Variants in TLN2 observed in about 807,000 individuals in gnomAD.
TLN2 encodes the protein talin-2.
Under a neutral mutation model 294.7 loss-of-function variants are expected in TLN2, and 118 were observed. The observed-to-expected ratio is 0.40, with a 90% CI of 0.34 to 0.47. The LOEUF (loss-of-function observed/expected upper bound fraction) is 0.47, where lower values mean the gene tolerates loss of function less well. Ranked by LOEUF, TLN2 falls within the 20% of genes least tolerant of loss-of-function variation. The pLI is 0.84. For missense variants in TLN2, 3,083 were observed against 3,282.2 expected (o/e 0.94, Z 1.48); for synonymous variants, 1,431 against 1,304.5 (o/e 1.10, Z -2.09).
In TLN2 at chr15:62,517,255, G is replaced by T. The variant is rs768525806; in HGVS notation, c.-237-72432G>T. ...TTGTCCAGTCTTTACTACTCCTTAG[G>T]CTCACCCTTGTCCCTTTGTCCTCTT... On this transcript the variant is annotated intron_variant, in intron 1 of 58. Transcript: ENST00000636159. 2.0e-5 allele frequency among the ~76,000 whole-genome samples: 3 copies of T among 152,158 alleles called. No individual in the cohort carries two copies. The South Asian group carries it at 6.2e-4, about 32-fold the overall frequency.
At chr15:62,703,311 C>T (rs968055452) in intron 19 of TLN2, among the ~76,000 whole-genome samples, 1 of 152,024 alleles carries the variant, frequency 6.6e-6, no homozygotes, top group African/African-American at 2.4e-5. Flanking sequence ...CTATGTTGGT[C>T]AGGCTGGTCT....
chr15:62,621,900 G>A (rs1481692514), intron 3 of TLN2, among the ~76,000 whole-genome samples: 2 of 152,164 alleles, frequency 1.3e-5, no homozygotes, highest in African/African-American at 4.8e-5. Flanking sequence ...CAACACAGAT[G>A]GCCTCAGGAC....
At chr15:62,473,292 G>C (rs925758751) in intron 1 of TLN2, among the ~76,000 whole-genome samples, 17 of 152,022 alleles carry the variant, frequency 1.1e-4, no homozygotes, top group African/African-American at 4.1e-4. Context: ...AAATGGGATT[G>C]GGAATAACAC....
chr15:62,509,076 A>C (rs1487761985), intron 1 of TLN2, among the ~76,000 whole-genome samples: 1 of 152,194 alleles, frequency 6.6e-6, no homozygotes, highest in East Asian at 1.9e-4. Flanking sequence ...AGAAAGCTTA[A>C]GTAAGGTGCT....
chr15:62,572,032 G>A (rs1355344179), intron 1 of TLN2, among the ~76,000 whole-genome samples: 1 of 152,188 alleles, frequency 6.6e-6, no homozygotes, highest in Non-Finnish European at 1.5e-5. Flanking sequence ...AGGGTGCGGA[G>A]CCTTGTGCTG....
At chr15:62,532,007 C>T (rs1567064605) in intron 1 of TLN2, among the ~76,000 whole-genome samples, 1 of 151,928 alleles carries the variant, frequency 6.6e-6, no homozygotes, top group Non-Finnish European at 1.5e-5. Context: ...TCAAATATCG[C>T]ACACTGGGAA....
intron 1 of TLN2, among the ~76,000 whole-genome samples, chr15:62,426,892 G>A (rs1251919640): frequency 6.6e-6 from 1 of 152,114 alleles, no homozygotes; most frequent in African/African-American, 2.4e-5. Context: ...TGTTAAAATG[G>A]CAGATTCTTT....
chr15:62,652,622 C>A (rs1479624393), intron 6 of TLN2, among the ~76,000 whole-genome samples: 2 of 152,168 alleles, frequency 1.3e-5, no homozygotes, highest in African/African-American at 4.8e-5. Context: ...GCAAAGGAAG[C>A]CTAGTTCCTT....
chr15:62,603,546 A>T (rs998985241), intron 2 of TLN2, among the ~76,000 whole-genome samples: 1 of 152,118 alleles, frequency 6.6e-6, no homozygotes, highest in Admixed American at 6.5e-5. Context: ...ACATTTGGGT[A>T]GTTTCCATCT....
intron 1 of TLN2, among the ~76,000 whole-genome samples, chr15:62,507,200 G>T (rs1350496825): frequency 6.6e-6 from 1 of 152,178 alleles, no homozygotes; most frequent in Non-Finnish European, 1.5e-5. Context: ...AAAAGATACT[G>T]TTCTTTTTAC....
chr15:62,725,509 T>C (rs1289827564), intron 27 of TLN2, among the ~76,000 whole-genome samples: 1 of 152,218 alleles, frequency 6.6e-6, no homozygotes, highest in East Asian at 1.9e-4. Flanking sequence ...AATGGAATAA[T>C]GGCACTAGAG....
intron 1 of TLN2, among the ~76,000 whole-genome samples, chr15:62,561,809 T>A (rs1264732681): frequency 1.3e-5 from 2 of 152,158 alleles, no homozygotes; most frequent in African/African-American, 4.8e-5. Flanking sequence ...GAATTCTCCC[T>A]GCTGCTTCCT....
intron 1 of TLN2, among the ~76,000 whole-genome samples, chr15:62,511,735 A>G (rs2039949563): frequency 6.6e-6 from 1 of 152,288 alleles, no homozygotes; most frequent in East Asian, 1.9e-4. Flanking sequence ...TGAAATTTCT[A>G]GAGATTGGTA....
intron 1 of TLN2, among the ~76,000 whole-genome samples, chr15:62,392,646 TCTC>T (rs1486567743): frequency 2.6e-5 from 4 of 152,020 alleles, no homozygotes; most frequent in Admixed American, 2.6e-4. Context: ...AGGAACGTGT[TCTC>T]CTTGGAGTGT....
chr15:62,799,333 A>G (rs1219377893), intron 48 of TLN2, among the ~76,000 whole-genome samples: 1 of 152,160 alleles, frequency 6.6e-6, no homozygotes, highest in Non-Finnish European at 1.5e-5. Flanking sequence ...GTAAAGGGAA[A>G]ATGTTTTTAT....
intron 1 of TLN2, among the ~76,000 whole-genome samples, chr15:62,502,178 C>T (rs970181567): frequency 5.9e-5 from 9 of 152,218 alleles, no homozygotes; most frequent in African/African-American, 2.2e-4. Flanking sequence ...GGGGCTTATT[C>T]TCCTTGACAT....
At chr15:62,612,024 C>G (rs916839915) in intron 2 of TLN2, among the ~76,000 whole-genome samples, 1 of 152,198 alleles carries the variant, frequency 6.6e-6, no homozygotes, top group Non-Finnish European at 1.5e-5. Context: ...CTTTCCCCAA[C>G]TTGATGACTT....
intron 26 of TLN2, among the ~76,000 whole-genome samples, chr15:62,723,869 A>G (rs1038913824): frequency 6.6e-6 from 1 of 151,814 alleles, no homozygotes; most frequent in East Asian, 1.9e-4. Flanking sequence ...AATATGCAGC[A>G]TAAGGATTAA....
chr15:62,554,648 G>C (rs1402855364), intron 1 of TLN2, among the ~76,000 whole-genome samples: 1 of 152,070 alleles, frequency 6.6e-6, no homozygotes, highest in East Asian at 1.9e-4. Flanking sequence ...AGGCCAGTAA[G>C]AACTATTTTC....
Sources: gnomAD v4.1 joint callset for allele counts (sites outside exome capture counted in the v4.1 genomes callset) on GRCh38, gnomAD v4.1.1 for gene constraint, MANE v1.5 for transcripts, NCBI Gene and HGNC (gene_info 2026-07-23, HGNC 2026-07-21) for gene names.